NEDD4L: variants seen among roughly 807,000 people sequenced by gnomAD.
NEDD4L encodes the protein E3 ubiquitin-protein ligase NEDD4-like.
In NEDD4L, 54 loss-of-function variants were observed where a neutral mutation model predicts 148.9. That is an observed-to-expected ratio of 0.36 (90% CI 0.29 to 0.45). The LOEUF is 0.45. Among genes scored for constraint, NEDD4L ranks in the 20% least tolerant of loss-of-function variants. The pLI, the probability that NEDD4L is intolerant of heterozygous loss-of-function variation, is 1.00. For missense variants in NEDD4L, 856 were observed against 1,233.8 expected, an observed-to-expected ratio of 0.69 and a Z score of 4.59; for synonymous variants, 433 against 440.7, an observed-to-expected ratio of 0.98 and a Z score of 0.22.
chr18:58,072,866 GCGCGCGCA>G (rs1392692772), intron 1 of NEDD4L, among the ~76,000 whole-genome samples: 43 of 118,912 alleles, frequency 3.6e-4, no homozygotes, highest in African/African-American at 1.6e-3. Flanking sequence ...AGGCGCGCGC[GCGCGCGCA>G]CACACACACA....
intron 1 of NEDD4L, among the ~76,000 whole-genome samples, chr18:58,099,050 A>T (rs58229350): frequency 0.028 from 4,219 of 152,218 alleles, 199 homozygotes; most frequent in African/African-American, 0.094. Context: ...TTCTAGCTCC[A>T]CATTGGGACA....
intron 8 of NEDD4L, among the ~76,000 whole-genome samples, chr18:58,323,723 T>TC (rs1384377236): frequency 6.6e-6 from 1 of 152,226 alleles, no homozygotes; most frequent in African/African-American, 2.4e-5. Flanking sequence ...CACTTTTTTT[T>TC]CAAGTTTCTT....
chr18:58,154,270 A>T (rs1219629338), intron 1 of NEDD4L, among the ~76,000 whole-genome samples: 1 of 152,192 alleles, frequency 6.6e-6, no homozygotes, highest in African/African-American at 2.4e-5. Context: ...TACTGCCCAG[A>T]TAGAACCTTC....
rs200565814 is a variant in NEDD4L, at chr18:58,335,500, C to A, written c.1088C>A (p.Ala363Glu). 5 of 1,613,564 alleles carry A rather than the reference C, an allele frequency of 3.1e-6. No homozygotes were observed. The African/African-American group carries it at 6.7e-5, about 22-fold the overall frequency. The change falls in exon 13 of 31, where the codon GCG (alanine) becomes GAG (glutamate). Residue 363 changes from alanine (A) to glutamate (E), a missense_variant. Physicochemically the swap from Ala to Glu is moderately radical, Grantham distance 107. Around this residue, in one of 4 missense-constraint regions of NEDD4L, gnomAD observed 367 missense variants for 422.7 expected, o/e 0.87. Coordinates refer to ENST00000400345, the MANE Select transcript of NEDD4L (RefSeq NM_001144967.3). ...LPPPSAPAGR[A>E]RSSTVTGGEE... The stretch of plus-strand genomic sequence containing the variant: ...CAGCCCAGTGCCCCAGCTGGGAGAG[C>A]GCGTTCATCAACTGTCACGGGTGGT...
At chr18:58,390,398 G>A in intron 28 of NEDD4L, 1 of 375,822 alleles carries the variant, frequency 2.7e-6, no homozygotes. Flanking sequence ...CAGAGAGTTT[G>A]CTTTTTATAT....
At chr18:58,180,260 A>G (rs1277756281) in intron 2 of NEDD4L, among the ~76,000 whole-genome samples, 1 of 152,104 alleles carries the variant, frequency 6.6e-6, no homozygotes. Context: ...TCTTTGCACA[A>G]GTGCCTTGCT....
intron 2 of NEDD4L, among the ~76,000 whole-genome samples, chr18:58,178,888 A>G (rs939139938): frequency 2.0e-5 from 3 of 152,206 alleles, no homozygotes; most frequent in Admixed American, 2.0e-4. Flanking sequence ...CATGGTAGGA[A>G]AGTAGAGAAA....
At chr18:58,182,757 C>T (rs2039002934) in intron 2 of NEDD4L, among the ~76,000 whole-genome samples, 1 of 152,218 alleles carries the variant, frequency 6.6e-6, no homozygotes, top group Non-Finnish European at 1.5e-5. Flanking sequence ...GCTGGGATTA[C>T]AGGCGTGAGC....
intron 2 of NEDD4L, among the ~76,000 whole-genome samples, chr18:58,234,339 C>T (rs1440788973): frequency 3.5e-5 from 5 of 142,302 alleles, no homozygotes; most frequent in African/African-American, 1.1e-4. Flanking sequence ...TCCCTCCCTC[C>T]CTCCTTCCCT....
At chr18:58,234,057 C>CTTTCTT (rs1464364225) in intron 2 of NEDD4L, among the ~76,000 whole-genome samples, 7 of 80,442 alleles carry the variant, frequency 8.7e-5, no homozygotes, top group Non-Finnish European at 1.5e-4. Flanking sequence ...TTCTTTCTTT[C>CTTTCTT]TTTCTTTCTT....
rs1346983374 is a variant in NEDD4L at position 58,366,986 on chromosome 18, C to T, written c.2063+758C>T. On this transcript the variant is annotated intron_variant, in intron 21 of 30. Transcript: ENST00000400345. This position sits in a 1 kb window ranked among gnomAD's most constrained non-coding sequence, Gnocchi z 4.2. ...AGTACATTCTTCCTGGTTGCTCTAGCCAAGAATTGCCCAATTGATTTGTTG... is the reference window on the plus strand; with the variant it reads ...AGTACATTCTTCCTGGTTGCTCTAGTCAAGAATTGCCCAATTGATTTGTTG... 1.3e-5 allele frequency: 2 copies of T among 152,258 alleles called. No homozygotes were observed. The highest frequency in any genetic ancestry group is 2.1e-4 in the South Asian group (1 of 4,820). 9.4% of individuals were successfully genotyped at this position (152,258 alleles called of 1,614,324 possible).
chr18:58,334,511 G>A (rs1165670287), intron 12 of NEDD4L, among the ~76,000 whole-genome samples: 1 of 152,224 alleles, frequency 6.6e-6, no homozygotes, highest in Non-Finnish European at 1.5e-5. Context: ...CCTGAGAGAT[G>A]TTTGATGTAC....
rs112881643 is a variant in NEDD4L at position 58,178,404 on chromosome 18, A to G, written c.122+12543A>G. On this transcript the variant is annotated intron_variant, in intron 2 of 30. Coordinates refer to ENST00000400345, the MANE Select transcript of NEDD4L (RefSeq NM_001144967.3). ...ATTTTAAGGTCTAAAAATGAATGCA[A>G]TTGTGAAATGTTTTTGCCTTAGAGA... 7.4e-3 allele frequency among the ~76,000 whole-genome samples: 1,127 copies of G among 152,172 alleles called. 16 individuals carry two copies. The highest frequency in any genetic ancestry group is 0.025 in the African/African-American group (1,021 of 41,502).
rs1432828058 is a variant in NEDD4L at position 58,085,332 on chromosome 18, C to T, written c.48+40624C>T. ...ATGGGATGGGGTCAGTGTGGAGGGC[C>T]GTGTGCCAGGCAGCAGTGTGGACTT... On this transcript the variant is annotated intron_variant, in intron 1 of 30. Transcript: ENST00000400345. Among the ~76,000 whole-genome samples the T allele has an allele frequency of 3.9e-5, 6 of 152,068 alleles. No individual in the cohort carries two copies. The East Asian group carries it at 5.8e-4, about 15-fold the overall frequency.
At chr18:58,187,978 T>G (rs190986756) in intron 2 of NEDD4L, among the ~76,000 whole-genome samples, 6 of 152,332 alleles carry the variant, frequency 3.9e-5, no homozygotes, top group African/African-American at 1.2e-4. Flanking sequence ...CTACTTTGCC[T>G]CCATTTGATC....
chr18:58,322,678 T>C (rs1234542439), intron 7 of NEDD4L, among the ~76,000 whole-genome samples, 192 bp downstream of exon 7: 10 of 125,910 alleles, frequency 7.9e-5, no homozygotes, highest in South Asian at 2.8e-4. Context: ...TGGGTATAGG[T>C]GGGGATGCCT....
chr18:58,246,578 C>T (rs2047289576), intron 3 of NEDD4L, among the ~76,000 whole-genome samples: 3 of 152,162 alleles, frequency 2.0e-5, no homozygotes, highest in Admixed American at 6.5e-5. Context: ...GATTCTCCTG[C>T]CTCAGCTTCC....
intron 1 of NEDD4L, among the ~76,000 whole-genome samples, chr18:58,155,849 CA>C (rs1241410943): frequency 1.3e-5 from 2 of 152,206 alleles, no homozygotes; most frequent in African/African-American, 4.8e-5. Flanking sequence ...TAGACATGAT[CA>C]GTTGCACATG....
At chr18:58,167,241 AC>A (rs1294494502) in intron 2 of NEDD4L, among the ~76,000 whole-genome samples, 2 of 152,266 alleles carry the variant, frequency 1.3e-5, no homozygotes, top group East Asian at 3.9e-4. Flanking sequence ...CTCTTGCTTG[AC>A]CGTGAAGTCA....
Sources: gnomAD v4.1 joint callset for allele counts (sites outside exome capture counted in the v4.1 genomes callset) on GRCh38, gnomAD v4.1.1 for gene constraint, gnomAD v4.1.1 regional missense constraint, Gnocchi (gnomAD v3.1) non-coding constraint, MANE v1.5 for transcripts, NCBI Gene and HGNC (gene_info 2026-07-23, HGNC 2026-07-21) for gene names.